Variants in EYS observed in about 807,000 individuals in gnomAD.
EYS encodes EGF-like photoreceptor maintenance factor.
In EYS, 250 loss-of-function variants were observed where a neutral mutation model predicts 282.1. That is an observed-to-expected ratio of 0.89 (90% CI 0.80 to 0.98). The LOEUF is 0.98. EYS is among the 50% of genes least tolerant of loss of function. EYS has a pLI of 0.00. For synonymous variants in EYS, 1,355 were observed against 1,282.9 expected (o/e 1.06, Z -1.20); for missense variants, 4,016 against 3,709.0 (o/e 1.08, Z -2.15).
intron 2 of EYS, among the ~76,000 whole-genome samples, chr6:65,529,377 A>G (rs1037530861): frequency 2.6e-5 from 4 of 152,192 alleles, no homozygotes; most frequent in Non-Finnish European, 2.9e-5. Context: ...GAATTACCAA[A>G]GAATGTGAAG....
intron 14 of EYS, among the ~76,000 whole-genome samples, chr6:64,955,043 G>C (rs1769648678): frequency 6.6e-6 from 1 of 152,006 alleles, no homozygotes; most frequent in Non-Finnish European, 1.5e-5. Flanking sequence ...AGCCGGGCAT[G>C]GTGGCAGGCA....
rs1773486142 is a variant in EYS at position 64,119,094 on chromosome 6, A to C, written c.6425-37092T>G. 2.0e-5 allele frequency among the ~76,000 whole-genome samples: 3 copies of C among 152,072 alleles called. No individual in the cohort carries two copies. The South Asian group carries it at 6.2e-4, about 31-fold the overall frequency. On this transcript the variant is annotated intron_variant, in intron 31 of 42. Coordinates refer to ENST00000503581, the MANE Select transcript of EYS (RefSeq NM_001142800.2). ...TTCTGTAAATTAAATTTTGTTTTTT[A>C]ATTTGAGTGATAGAGTTCACTTTTA... is the stretch of plus-strand genomic sequence containing the variant.
At chr6:63,976,893 A>G (rs1243156126) in intron 35 of EYS, among the ~76,000 whole-genome samples, 1 of 151,982 alleles carries the variant, frequency 6.6e-6, no homozygotes. Flanking sequence ...TCAAATGAAA[A>G]ATTATACATA....
intron 19 of EYS, among the ~76,000 whole-genome samples, chr6:64,840,955 A>G (rs1387700223): frequency 6.6e-6 from 1 of 152,146 alleles, no homozygotes; most frequent in African/African-American, 2.4e-5. Flanking sequence ...TATACCCATC[A>G]TAACAGAAAG....
intron 18 of EYS, among the ~76,000 whole-genome samples, chr6:64,887,953 ATGCAGTATTTTTCTTTCTG>A: frequency 6.6e-6 from 1 of 152,214 alleles, no homozygotes; most frequent in African/African-American, 2.4e-5. Flanking sequence ...GAATGAAAAC[ATGCAGTATTTTTCTTTCTG>A]TGCCTGGCAT....
intron 5 of EYS, among the ~76,000 whole-genome samples, chr6:65,448,920 C>A (rs1042961641): frequency 6.6e-6 from 1 of 152,072 alleles, no homozygotes; most frequent in African/African-American, 2.4e-5. Flanking sequence ...AACATGATTA[C>A]ATAATCTTAT....
At chr6:63,919,943 G>T (rs751603817) in intron 35 of EYS, among the ~76,000 whole-genome samples, 1 of 152,136 alleles carries the variant, frequency 6.6e-6, no homozygotes, top group African/African-American at 2.4e-5. Context: ...GTGGCTCTAC[G>T]TAAATTGCGT....
At chr6:63,978,126 G>C (rs1766927788) in intron 35 of EYS, among the ~76,000 whole-genome samples, 1 of 151,976 alleles carries the variant, frequency 6.6e-6, no homozygotes, top group South Asian at 2.1e-4. Context: ...ACATTCTTTT[G>C]ATACTCACAC....
At chr6:64,045,242 A>G (rs1770563859) in intron 33 of EYS, among the ~76,000 whole-genome samples, 1 of 151,946 alleles carries the variant, frequency 6.6e-6, no homozygotes, top group Non-Finnish European at 1.5e-5. Context: ...TAATAATGAA[A>G]AACTTTTTCA....
chr6:64,078,921 C>G (rs568335322), intron 32 of EYS, among the ~76,000 whole-genome samples: 2 of 151,994 alleles, frequency 1.3e-5, no homozygotes, highest in African/African-American at 4.8e-5. Context: ...GAGCCAGGAG[C>G]GTGAACCCAG....
chr6:64,720,358 C>A lies in EYS; in HGVS notation c.3443+93020G>T, dbSNP rs568640641. Among the ~76,000 whole-genome samples the A allele has an allele frequency of 8.5e-5, 13 of 152,320 alleles. No homozygotes were observed. The South Asian group carries it at 2.7e-3, about 32-fold the overall frequency. Reference sequence around the variant, plus strand: ...TTCTACCCAGATTATCCAGGACAATCTCCCCATCTCAATATCCTTAACTTA... The same window carrying A: ...TTCTACCCAGATTATCCAGGACAATATCCCCATCTCAATATCCTTAACTTA... On this transcript the variant is annotated intron_variant, in intron 22 of 42. Coordinates refer to ENST00000503581, the MANE Select transcript of EYS (RefSeq NM_001142800.2).
intron 12 of EYS, among the ~76,000 whole-genome samples, chr6:65,288,975 TAATC>T (rs1380304774): frequency 6.6e-6 from 1 of 150,766 alleles, no homozygotes; most frequent in Non-Finnish European, 1.5e-5. Context: ...ACAGACAAAA[TAATC>T]AATTGAAAAG....
intron 2 of EYS, among the ~76,000 whole-genome samples, chr6:65,606,157 A>G (rs1001919613): frequency 1.3e-5 from 2 of 151,700 alleles, no homozygotes; most frequent in Non-Finnish European, 3.0e-5. Context: ...AATAAGAAAT[A>G]TAGAGAATAA....
chr6:64,059,668 T>A (rs1468832192), intron 33 of EYS, among the ~76,000 whole-genome samples: 1 of 152,210 alleles, frequency 6.6e-6, no homozygotes, highest in African/African-American at 2.4e-5. Flanking sequence ...ACTTACAGAT[T>A]CATAGATATC....
At chr6:65,234,727 C>T (rs570112994) in intron 12 of EYS, among the ~76,000 whole-genome samples, 98 of 152,226 alleles carry the variant, frequency 6.4e-4, no homozygotes, top group African/African-American at 2.1e-3. Flanking sequence ...TTTATATTGT[C>T]AGTTAGCAGG....
rs551997867 is a variant in EYS at position 63,727,640 on chromosome 6, G to C, written c.8072-960C>G. Among the ~76,000 whole-genome samples, 4 of 138,970 alleles carry C rather than the reference G, an allele frequency of 2.9e-5. No homozygotes were observed. The South Asian group carries it at 9.4e-4, about 33-fold the overall frequency. 91.2% of individuals were successfully genotyped at this position (138,970 alleles called of 152,430 possible). On this transcript the variant is annotated intron_variant, in intron 41 of 42. Transcript: ENST00000503581. ...AATCCCAGCACTTTGGGAGGCTGAG[G>C]CTGGAGGATTGCTTGAGCTCAGGAG...
intron 30 of EYS, among the ~76,000 whole-genome samples, chr6:64,298,204 TATA>T (rs1427809133): frequency 6.6e-6 from 1 of 152,186 alleles, no homozygotes; most frequent in East Asian, 1.9e-4. Context: ...CTTTTTGTTT[TATA>T]ATAATTTCTA....
In EYS at chr6:64,643,112, TC is replaced by T. The variant is rs34581754; in HGVS notation, c.3444-16868del. On this transcript the variant is annotated intron_variant, in intron 22 of 42. Coordinates refer to ENST00000503581, the MANE Select transcript of EYS (RefSeq NM_001142800.2). ...CCTGGGCAACAAGAGTGAAACTCCATCCCCCCCCCCAAAAAAAAACAACACT... is the reference window on the plus strand; with the variant it reads ...CCTGGGCAACAAGAGTGAAACTCCATCCCCCCCCCAAAAAAAAACAACACT... 9.0e-4 allele frequency among the ~76,000 whole-genome samples: 129 copies of T among 143,712 alleles called. 1 individual carries two copies. Among genetic ancestry groups the T allele is most frequent in the African/African-American group, 3.1e-3 (121 of 39,478 alleles). 94.3% of individuals were successfully genotyped at this position (143,712 alleles called of 152,430 possible).
chr6:64,582,027 C>T (rs983097151), intron 26 of EYS, among the ~76,000 whole-genome samples: 2 of 152,140 alleles, frequency 1.3e-5, no homozygotes, highest in Non-Finnish European at 1.5e-5. Flanking sequence ...AAAATTTACC[C>T]ATATCGTTAT....
Sources: gnomAD v4.1 joint callset for allele counts (sites outside exome capture counted in the v4.1 genomes callset) on GRCh38, gnomAD v4.1.1 for gene constraint, MANE v1.5 for transcripts, NCBI Gene and HGNC (gene_info 2026-07-23, HGNC 2026-07-21) for gene names.